RHPN2: variants seen among roughly 807,000 people sequenced by gnomAD.
RHPN2 encodes rhophilin-2.
A neutral mutation model predicts 79.0 loss-of-function variants in RHPN2; 40 were observed. The observed-to-expected ratio is 0.51, with a 90% CI of 0.39 to 0.66. The LOEUF is 0.66. Among genes scored for constraint, RHPN2 ranks in the 30% least tolerant of loss-of-function variants. RHPN2 has a pLI of 0.00. For synonymous variants in RHPN2, 285 were observed against 363.5 expected (o/e 0.78, Z 2.46); for missense variants, 686 against 883.5 (o/e 0.78, Z 2.83).
chr19:33,023,678 G>A (rs1414638510), intron 3 of RHPN2, among the ~76,000 whole-genome samples: 1 of 151,238 alleles, frequency 6.6e-6, no homozygotes, highest in East Asian at 2.0e-4. Context: ...CCAGCTACTC[G>A]GGAGGCTGAG....
intron 2 of RHPN2, among the ~76,000 whole-genome samples, chr19:33,038,938 T>G (rs1972079253): frequency 6.6e-6 from 1 of 152,086 alleles, no homozygotes; most frequent in Non-Finnish European, 1.5e-5. Context: ...GATTACAGAC[T>G]TGAGCCACCA....
chr19:33,000,435 G>A (rs1216498391), intron 9 of RHPN2, among the ~76,000 whole-genome samples: 1 of 151,008 alleles, frequency 6.6e-6, no homozygotes, highest in African/African-American at 2.4e-5. Context: ...TGGCCAGGCT[G>A]GTCCTGACCT....
chr19:32,981,435 A>AG (rs1971573767), intron 14 of RHPN2, among the ~76,000 whole-genome samples: 1 of 50,360 alleles, frequency 2.0e-5, no homozygotes, highest in African/African-American at 8.2e-5. Context: ...GGCGGGGGGA[A>AG]GGGAAGAGGG....
At chr19:33,036,920 G>A (rs908608373) in intron 2 of RHPN2, among the ~76,000 whole-genome samples, 8 of 141,774 alleles carry the variant, frequency 5.6e-5, no homozygotes, top group African/African-American at 2.4e-4. Context: ...CCTCCCCGAC[G>A]AGCGCCGCCC....
intron 1 of RHPN2, among the ~76,000 whole-genome samples, chr19:33,046,510 G>A (rs1024840990): frequency 3.3e-5 from 5 of 151,940 alleles, no homozygotes; most frequent in Admixed American, 1.3e-4. Context: ...CAAGTGATCC[G>A]CTTGGCTTGG....
intron 2 of RHPN2, among the ~76,000 whole-genome samples, chr19:33,041,380 G>C (rs1446188255): frequency 6.6e-6 from 1 of 152,170 alleles, no homozygotes; most frequent in Non-Finnish European, 1.5e-5. Flanking sequence ...TTGGCAAAAT[G>C]CCCTATTTGT....
At chr19:33,010,853 T>G (rs1289761534) in intron 6 of RHPN2, among the ~76,000 whole-genome samples, 1 of 152,062 alleles carries the variant, frequency 6.6e-6, no homozygotes, top group Non-Finnish European at 1.5e-5. Flanking sequence ...CAGCAAATTT[T>G]TGTATTGTTT....
intron 11 of RHPN2, among the ~76,000 whole-genome samples, chr19:32,994,266 G>T (rs1430889719): frequency 6.6e-6 from 1 of 151,924 alleles, no homozygotes; most frequent in East Asian, 1.9e-4. Context: ...TATGGTGGCA[G>T]GTGACTGTAA....
intron 4 of RHPN2, among the ~76,000 whole-genome samples, chr19:33,013,008 T>G (rs983873607): frequency 6.6e-6 from 1 of 151,740 alleles, no homozygotes; most frequent in Admixed American, 6.6e-5. Flanking sequence ...CTCAAGGAGC[T>G]GGGATTACAG....
In RHPN2 at chr19:32,980,039, G is replaced by A. The variant is rs1178155680; in HGVS notation, c.2018C>T (p.Pro673Leu). 10 of 1,613,776 alleles carry A rather than the reference G, an allele frequency of 6.2e-6. No individual in the cohort carries two copies. The highest frequency in any genetic ancestry group is 3.3e-4 in the Middle Eastern group (2 of 6,076). ...TGAGTTGAGAAGGCTGAAAGGGGAG[G>A]GCAGCTTCTTCTTGACCTGAGGCCG... ...AARPQVKKKL[P>L]SPFSLLNSDS... The change falls in exon 15 of 15, where the codon CCC becomes CTC. Residue 673 changes from proline (P) to leucine (L), a missense_variant. By Grantham distance (98) the Pro-to-Leu change is moderately conservative (BLOSUM62 -3). Transcript: ENST00000254260.
intron 1 of RHPN2, among the ~76,000 whole-genome samples, chr19:33,048,080 C>T (rs994326937): frequency 1.3e-5 from 2 of 151,934 alleles, no homozygotes; most frequent in Non-Finnish European, 1.5e-5. Flanking sequence ...ATTCGGAATT[C>T]GAGTTGGCTT....
chr19:32,998,690 G>T (rs189063381), intron 10 of RHPN2, among the ~76,000 whole-genome samples: 1 of 80,084 alleles, frequency 1.2e-5, no homozygotes, highest in Non-Finnish European at 2.4e-5. Flanking sequence ...GGGAGGACGG[G>T]TAGATGGGGA....
chr19:33,006,348 C>G (rs1971791053), intron 7 of RHPN2, among the ~76,000 whole-genome samples: 1 of 152,122 alleles, frequency 6.6e-6, no homozygotes, highest in South Asian at 2.1e-4. Flanking sequence ...GGGCATACAC[C>G]ACCACGCCTG....
At chr19:33,042,947 C>T (rs752337013) in intron 2 of RHPN2, among the ~76,000 whole-genome samples, 3 of 151,990 alleles carry the variant, frequency 2.0e-5, no homozygotes, top group East Asian at 1.9e-4. Flanking sequence ...GGCACGGTGG[C>T]GGGCACCTGT....
intron 10 of RHPN2, among the ~76,000 whole-genome samples, chr19:32,997,671 G>C (rs1044311567): frequency 6.6e-6 from 1 of 151,328 alleles, no homozygotes; most frequent in African/African-American, 2.4e-5. Flanking sequence ...TTGTATTTTT[G>C]GTACAGACGG....
chr19:33,009,704 C>G (rs557384100), intron 6 of RHPN2, among the ~76,000 whole-genome samples: 1 of 152,292 alleles, frequency 6.6e-6, no homozygotes, highest in South Asian at 2.1e-4. Context: ...ATCCACCCAC[C>G]TTGGCCTCCC....
chr19:33,018,143 G>A (rs770128972), intron 4 of RHPN2, among the ~76,000 whole-genome samples: 23 of 151,112 alleles, frequency 1.5e-4, no homozygotes, highest in South Asian at 8.4e-4. Flanking sequence ...ACAGAGCGAG[G>A]CTTCATCTCA....
At chr19:33,063,788 C>T (rs925534912) in intron 1 of RHPN2, among the ~76,000 whole-genome samples, 10 of 117,452 alleles carry the variant, frequency 8.5e-5, no homozygotes, top group African/African-American at 4.1e-4. Context: ...TGCCAAGAAC[C>T]TGCGAGGCCG....
chr19:33,058,303 G>C (rs1284962216), intron 1 of RHPN2, among the ~76,000 whole-genome samples: 1 of 152,248 alleles, frequency 6.6e-6, no homozygotes, highest in East Asian at 1.9e-4. Context: ...ATCGAGTCAG[G>C]GTCTGGAATG....
Sources: gnomAD v4.1 joint callset for allele counts (sites outside exome capture counted in the v4.1 genomes callset) on GRCh38, gnomAD v4.1.1 for gene constraint, MANE v1.5 for transcripts, NCBI Gene and HGNC (gene_info 2026-07-23, HGNC 2026-07-21) for gene names.